The following C9orf57 variants were observed in gnomAD, a reference collection of about 807,000 sequenced individuals.
C9orf57 encodes the protein uncharacterized protein C9orf57.
C9orf57 carries 12 observed loss-of-function variants against 12.9 expected under a neutral mutation model. The ratio of observed to expected loss-of-function variants is 0.93; its 90% CI spans 0.60 to 1.51. C9orf57 has a LOEUF of 1.51. Ranked by LOEUF, C9orf57 falls within the 40% of genes most tolerant of loss-of-function variation. The pLI, the probability that C9orf57 is intolerant of heterozygous loss-of-function variation, is 0.00. For synonymous variants in C9orf57, 49 were observed against 57.1 expected (o/e 0.86, Z 0.64); for missense variants, 141 against 162.8 (o/e 0.87, Z 0.73).
chr9:72,057,477 C>T (rs532692787), intron 2 of C9orf57, among the ~76,000 whole-genome samples: 7 of 151,946 alleles, frequency 4.6e-5, no homozygotes, highest in Admixed American at 3.3e-4. Flanking sequence ...CTACCCACCT[C>T]GGCCTCCCAG....
At chr9:72,054,028 C>T (rs1384712846) in intron 4 of C9orf57, among the ~76,000 whole-genome samples, 1 of 152,130 alleles carries the variant, frequency 6.6e-6, no homozygotes, top group South Asian at 2.1e-4. Flanking sequence ...GATGGTGTTT[C>T]GCTCTTGTTG....
At chr9:72,054,774 A>G (rs1427104457) in intron 4 of C9orf57, among the ~76,000 whole-genome samples, 1 of 151,942 alleles carries the variant, frequency 6.6e-6, no homozygotes, top group Non-Finnish European at 1.5e-5. Context: ...ATAAATATTA[A>G]TGTTATCCAT....
chr9:72,051,577 C>T lies in C9orf57; in HGVS notation c.*719G>A, dbSNP rs1824083058. The T allele has an allele frequency of 6.6e-6, 1 of 152,092 alleles. No homozygotes were observed. Among genetic ancestry groups the T allele is most frequent in the Non-Finnish European group, 1.5e-5 (1 of 68,022 alleles). The allele number at this position is 152,092 out of a possible 1,614,324, so 9.4% of individuals were successfully genotyped here. Reference sequence around the variant, plus strand: ...GTACGTTCCTACTCCTTTTAAATTCCTTGTGGTTGGGAACTTACTTCTCTG... The same window carrying T: ...GTACGTTCCTACTCCTTTTAAATTCTTTGTGGTTGGGAACTTACTTCTCTG... On this transcript the variant is annotated 3_prime_UTR_variant, in exon 5 of 5. Transcript: ENST00000651200.
rs1313067850 is a variant in C9orf57 at position 72,052,307 on chromosome 9, A to G, written c.409T>C (p.Cys137Arg). The change falls in exon 5 of 5, where the codon TGC becomes CGC. Residue 137 changes from cysteine to arginine, a missense_variant. By Grantham distance (180) the Cys-to-Arg change is radical. Transcript: ENST00000651200. The part of the protein sequence containing the change: ...VTTHCCNHSL[C>R]NF ...TATGGGCCACTGACTCAGAAATTGC[A>G]CAAAGAATGATTGCAGCAGTGAGTA... 3.2e-6 allele frequency: 5 copies of G among 1,551,690 alleles called. No individual in the cohort carries two copies. The Admixed American group carries it at 9.8e-5, about 30-fold the overall frequency.
At chr9:72,057,385 C>T (rs186875419) in intron 2 of C9orf57, among the ~76,000 whole-genome samples, 1 of 151,806 alleles carries the variant, frequency 6.6e-6, no homozygotes. Context: ...ACCACCAGGC[C>T]CGGCTAATAT....
rs1564123550 is a variant in C9orf57, at chr9:72,059,323, C to A, written c.9G>T (p.Arg3Ser). 6.4e-7 allele frequency: 1 copy of A among 1,551,774 alleles called. No homozygotes were observed. The highest frequency in any genetic ancestry group is 2.4e-5 in the East Asian group (1 of 40,922). The change falls in exon 2 of 5, where the codon AGG (arginine) becomes AGT (serine). Residue 3 changes from arginine to serine, a missense_variant. By Grantham distance (110) the Arg-to-Ser change is moderately radical (BLOSUM62 -1). Transcript: ENST00000651200. MR[R>S]IVFAGVILFR... The stretch of plus-strand genomic sequence containing the variant: ...ATAAGATAACACCAGCAAAAACAAT[C>A]CTTCTCATTCTGATTTCCAAGCCGA...
chr9:72,052,215 C>T lies in C9orf57; in HGVS notation c.*81G>A, dbSNP rs975122083. ...GAGGTTTCTGAAGTGGGCTAATTGACAATAGCCATCATTTTGTGATAGCCA... is the reference window on the plus strand; with the variant it reads ...GAGGTTTCTGAAGTGGGCTAATTGATAATAGCCATCATTTTGTGATAGCCA... On this transcript the variant is annotated 3_prime_UTR_variant, in exon 5 of 5. Coordinates refer to ENST00000651200, the MANE Select transcript of C9orf57 (RefSeq NM_001128618.2). 5 of 1,442,962 alleles carry T rather than the reference C, an allele frequency of 3.5e-6. No individual in the cohort carries two copies. The highest frequency in any genetic ancestry group is 4.7e-6 in the Non-Finnish European group (5 of 1,068,366). The allele number at this position is 1,442,962 out of a possible 1,614,324, so 89.4% of individuals were successfully genotyped here.
intron 2 of C9orf57, 51 bp downstream of exon 2, chr9:72,059,184 A>G: frequency 6.5e-7 from 1 of 1,548,892 alleles, no homozygotes; most frequent in South Asian, 1.2e-5. Context: ...CGGCCCTACA[A>G]TTTCTTAATA....
At chr9:72,052,940 C>T (rs1255847523) in intron 4 of C9orf57, among the ~76,000 whole-genome samples, 1 of 152,102 alleles carries the variant, frequency 6.6e-6, no homozygotes, top group African/African-American at 2.4e-5. Context: ...CACACAAGAA[C>T]AAAATAAGTG....
At chr9:72,052,625 T>G (rs941046597) in intron 4 of C9orf57, among the ~76,000 whole-genome samples, 190 bp from the exon 5 acceptor site, 1 of 152,214 alleles carries the variant, frequency 6.6e-6, no homozygotes, top group African/African-American at 2.4e-5. Context: ...ACTATTGTAG[T>G]TGGGTACATT....
intron 3 of C9orf57, 102 bp from the exon 4 acceptor site, chr9:72,056,298 T>TTA (rs569048839): frequency 4.1e-4 from 239 of 584,394 alleles, no homozygotes; most frequent in South Asian, 1.6e-3. Context: ...ATTTTTGACT[T>TTA]TATATATATA....
intron 4 of C9orf57, among the ~76,000 whole-genome samples, chr9:72,053,332 G>T (rs143800137): frequency 6.6e-6 from 1 of 152,232 alleles, no homozygotes; most frequent in African/African-American, 2.4e-5. Flanking sequence ...AGGATCAGTT[G>T]TTTGTCTTGC....
intron 1 of C9orf57, 29 bp downstream of exon 1, chr9:72,060,468 G>T: frequency 9.2e-7 from 1 of 1,089,344 alleles, no homozygotes; most frequent in Non-Finnish European, 1.4e-6. Flanking sequence ...ATTGGGTAAA[G>T]TATAATATTT....
At chr9:72,055,370 CTCCCTCCTTCCTTCCTTCCT>C (rs1245683043) in intron 4 of C9orf57, among the ~76,000 whole-genome samples, 8 of 28,658 alleles carry the variant, frequency 2.8e-4, no homozygotes, top group East Asian at 7.2e-4. Context: ...CCCTCCCTCC[CTCCCTCCTTCCTTCCTTCCT>C]TCCTTCCTTC....
chr9:72,060,180 G>A (rs1824302360), intron 1 of C9orf57, among the ~76,000 whole-genome samples: 1 of 152,102 alleles, frequency 6.6e-6, no homozygotes, highest in African/African-American at 2.4e-5. Context: ...CCGAGTAGCT[G>A]GGATTACAGG....
rs564684105 is a variant in C9orf57, at chr9:72,059,180, T to C, written c.97+55A>G. The C allele has an allele frequency of 2.5e-5, 39 of 1,547,998 alleles. No homozygotes were observed. The East Asian group carries it at 9.5e-4, about 38-fold the overall frequency. On this transcript the variant is annotated intron_variant, in intron 2 of 4. Transcript: ENST00000651200. ...AGGCGTGAGCCGCCACGCTCGGCCC[T>C]ACAATTTCTTAATAATTTTCTATCC...
At chr9:72,059,157 G>A in intron 2 of C9orf57, 78 bp downstream of exon 2, 1 of 1,526,418 alleles carries the variant, frequency 6.6e-7, no homozygotes, top group Non-Finnish European at 8.8e-7. Flanking sequence ...GGGATTACAG[G>A]CGTGAGCCGC....
Position 72,056,060 on chromosome 9 carries a change from G to T in C9orf57, c.280+14C>A, listed in dbSNP as rs779731502. 2.3e-4 allele frequency: 348 copies of T among 1,540,306 alleles called. No homozygotes were observed. The highest frequency in any genetic ancestry group is 2.9e-4 in the Non-Finnish European group (326 of 1,140,976). On this transcript the variant is annotated intron_variant, in intron 4 of 4. Coordinates refer to ENST00000651200, the MANE Select transcript of C9orf57 (RefSeq NM_001128618.2). Reference sequence around the variant, plus strand: ...GCTTATTTTAATTAAAATTTTTAAAGTGTCAAAACTTACCTTGAATGTGGA... The same window carrying T: ...GCTTATTTTAATTAAAATTTTTAAATTGTCAAAACTTACCTTGAATGTGGA...
intron 2 of C9orf57, among the ~76,000 whole-genome samples, chr9:72,057,160 G>A (rs2132437325): frequency 6.6e-6 from 1 of 151,878 alleles, no homozygotes; most frequent in Non-Finnish European, 1.5e-5. Flanking sequence ...CAAAGTGCTG[G>A]GATTAAAGGT....
Sources: gnomAD v4.1 joint callset for allele counts (sites outside exome capture counted in the v4.1 genomes callset) on GRCh38, gnomAD v4.1.1 for gene constraint, MANE v1.5 for transcripts, NCBI Gene and HGNC (gene_info 2026-07-23, HGNC 2026-07-21) for gene names.